Variants in FREM2 observed in about 807,000 individuals in gnomAD.
The protein encoded by FREM2 is FRAS1 related extracellular matrix 2, also known as FRAS1-related extracellular matrix protein 2.
In FREM2, 119 loss-of-function variants were observed where a neutral mutation model predicts 219.9. The ratio of observed to expected loss-of-function variants is 0.54; its 90% CI spans 0.47 to 0.63. The LOEUF is 0.63. Ranked by LOEUF, FREM2 falls within the 30% of genes least tolerant of loss-of-function variation. The pLI, the probability that FREM2 is intolerant of heterozygous loss-of-function variation, is 0.00. For synonymous variants in FREM2, 1,562 were observed against 1,522.8 expected (o/e 1.03, Z -0.60); for missense variants, 4,030 against 3,993.6 (o/e 1.01, Z -0.25).
intron 18 of FREM2, among the ~76,000 whole-genome samples, chr13:38,875,107 C>T (rs1338232999): frequency 6.6e-6 from 1 of 151,960 alleles, no homozygotes; most frequent in African/African-American, 2.4e-5. Flanking sequence ...CTTTGAATAT[C>T]AACAAGGCAG....
At chr13:38,727,958 C>G (rs1036410517) in intron 2 of FREM2, among the ~76,000 whole-genome samples, 2 of 152,214 alleles carry the variant, frequency 1.3e-5, no homozygotes, top group East Asian at 3.9e-4. Flanking sequence ...TTACACTACA[C>G]TAACATTGCC....
Position 38,878,159 on chromosome 13 carries a change from G to C in FREM2, c.8697G>C (p.Met2899Ile). 1.2e-6 allele frequency: 2 copies of C among 1,613,638 alleles called. No individual in the cohort carries two copies. Among genetic ancestry groups the C allele is most frequent in the Non-Finnish European group, 1.7e-6 (2 of 1,179,690 alleles). Residue 2899 changes from methionine (M) to isoleucine (I), a missense_variant, in exon 22 of 24, where the codon ATG becomes ATC. Transcript: ENST00000280481. ...AEGDIIYGRV[M>I]VDPVQNLGDS... ...GTGATATAATTTATGGTCGTGTCAT[G>C]GTGGATCCTGTCCAGAATCTGGGTG...
intron 16 of FREM2, among the ~76,000 whole-genome samples, chr13:38,865,785 T>C (rs190760225): frequency 2.0e-5 from 3 of 152,340 alleles, no homozygotes; most frequent in East Asian, 1.9e-4. Flanking sequence ...CAGTATAAGA[T>C]GGTGGAATCT....
chr13:38,724,992 T>G (rs1189275886), intron 2 of FREM2, among the ~76,000 whole-genome samples: 1 of 152,222 alleles, frequency 6.6e-6, no homozygotes, highest in African/African-American at 2.4e-5. Context: ...AAATATGTCC[T>G]GGAATGGAAT....
intron 11 of FREM2, among the ~76,000 whole-genome samples, chr13:38,853,917 G>A (rs916234988): frequency 6.6e-5 from 10 of 151,722 alleles, no homozygotes; most frequent in African/African-American, 1.7e-4. Flanking sequence ...TTTGCTAAAC[G>A]GAAACAAAAT....
At chr13:38,706,757 C>T (rs952266781) in intron 2 of FREM2, among the ~76,000 whole-genome samples, 1 of 152,136 alleles carries the variant, frequency 6.6e-6, no homozygotes, top group African/African-American at 2.4e-5. Context: ...TTTTATTTCA[C>T]ATCTACAATC....
At chr13:38,758,302 A>C (rs1484633645) in intron 2 of FREM2, among the ~76,000 whole-genome samples, 1 of 152,140 alleles carries the variant, frequency 6.6e-6, no homozygotes, top group African/African-American at 2.4e-5. Flanking sequence ...CTCTCTTCTT[A>C]TACCTAATCT....
At chr13:38,872,487 T>G (rs1288804114) in intron 16 of FREM2, among the ~76,000 whole-genome samples, 2 of 152,218 alleles carry the variant, frequency 1.3e-5, no homozygotes, top group Non-Finnish European at 2.9e-5. Flanking sequence ...GTAAGTATAG[T>G]ATGCTCAAAA....
intron 6 of FREM2, among the ~76,000 whole-genome samples, chr13:38,820,873 C>T (rs1566154355): frequency 6.6e-6 from 1 of 152,158 alleles, no homozygotes; most frequent in Non-Finnish European, 1.5e-5. Flanking sequence ...CTAGAAAATG[C>T]ACTATGCACC....
Position 38,769,616 on chromosome 13 carries a change from G to A in FREM2, c.5449G>A (p.Asp1817Asn). Reference protein sequence around the residue: ...TRDRTAEKDKDFKGKAQKQVQ... With the variant: ...TRDRTAEKDKNFKGKAQKQVQ... The stretch of plus-strand genomic sequence containing the variant: ...AGACAGAACTGCAGAAAAAGACAAA[G>A]ACTTCAAGGGCAAAGCACAGAAACA... Residue 1817 changes from aspartate to asparagine, a missense_variant, in exon 4 of 24, where the codon GAC becomes AAC. This residue lies in a region of FREM2 where 3,102 missense variants were observed against 2,950.7 expected (regional missense o/e 1.05). Transcript: ENST00000280481. 2 of 1,614,150 alleles carry A rather than the reference G, an allele frequency of 1.2e-6. No homozygotes were observed. The highest frequency in any genetic ancestry group is 2.2e-5 in the South Asian group (2 of 91,084).
In FREM2 at chr13:38,691,211, A is replaced by T; in HGVS notation, c.3867A>T (p.Glu1289Asp). ...TAACAGATGGGAAGCACTCTGTGGA[A>T]AAGACGGTCCTCATTATAGTTATCC... ...IKLTDGKHSV[E>D]KTVLIIVIPV... Residue 1289 changes from glutamate (E) to aspartate (D), a missense_variant, in exon 1 of 24, where the codon GAA becomes GAT. Transcript: ENST00000280481. 1 of 1,614,078 alleles carries T rather than the reference A, an allele frequency of 6.2e-7. No homozygotes were observed. The highest frequency in any genetic ancestry group is 8.5e-7 in the Non-Finnish European group (1 of 1,179,982).
At position 38,689,529 on chromosome 13, in the gene FREM2, A is replaced by G. The variant is rs1269177771; in HGVS notation, c.2185A>G (p.Thr729Ala). Residue 729 changes from threonine to alanine, a missense_variant, in exon 1 of 24, where the codon ACT (threonine) becomes GCT (alanine). Thr to Ala is a moderately conservative substitution (Grantham distance 58). Around this residue, in one of 2 missense-constraint regions of FREM2, gnomAD observed 3,102 missense variants for 2,950.7 expected, o/e 1.05. Coordinates refer to ENST00000280481, the MANE Select transcript of FREM2 (RefSeq NM_207361.6). ...ACTGAGGAAGAAGTGGCTGCGCTAC[A>G]CTGACCTGGACACAGATGACCGAGA... ...TPLRKKWLRY[T>A]DLDTDDRELR... 3 of 1,614,036 alleles carry G rather than the reference A, an allele frequency of 1.9e-6. No homozygotes were observed. Among genetic ancestry groups the G allele is most frequent in the Non-Finnish European group, 2.5e-6 (3 of 1,179,978 alleles).
intron 2 of FREM2, among the ~76,000 whole-genome samples, chr13:38,745,409 T>C (rs1872424839): frequency 6.6e-6 from 1 of 152,222 alleles, no homozygotes; most frequent in South Asian, 2.1e-4. Context: ...AGAAAAGCTA[T>C]GGGCATATTC....
chr13:38,723,004 G>A (rs1318544507), intron 2 of FREM2, among the ~76,000 whole-genome samples: 1 of 152,132 alleles, frequency 6.6e-6, no homozygotes, highest in African/African-American at 2.4e-5. Context: ...GCTGAGGCGG[G>A]AGGATCACTT....
chr13:38,762,870 TTTG>T (rs1462922151), intron 2 of FREM2, among the ~76,000 whole-genome samples: 1 of 152,236 alleles, frequency 6.6e-6, no homozygotes, highest in Non-Finnish European at 1.5e-5. Flanking sequence ...ATCAGTACCA[TTTG>T]TTGTTGTGTT....
At chr13:38,856,299 G>T in intron 12 of FREM2, 43 bp downstream of exon 12, 1 of 1,586,532 alleles carries the variant, frequency 6.3e-7, no homozygotes, top group South Asian at 1.1e-5. Flanking sequence ...CTAGCAGTTT[G>T]TCAGAGGAAA....
chr13:38,717,850 A>G (rs1008088317), intron 2 of FREM2, among the ~76,000 whole-genome samples: 1 of 152,258 alleles, frequency 6.6e-6, no homozygotes, highest in Non-Finnish European at 1.5e-5. Flanking sequence ...TCATCTTGAT[A>G]AATATGAGTG....
intron 4 of FREM2, among the ~76,000 whole-genome samples, chr13:38,771,012 G>A (rs907620754): frequency 1.3e-5 from 2 of 152,124 alleles, no homozygotes; most frequent in Non-Finnish European, 2.9e-5. Flanking sequence ...TTGTCAGTCA[G>A]AAAACTCTTA....
chr13:38,841,306 C>G (rs182405727), intron 6 of FREM2, among the ~76,000 whole-genome samples: 1 of 152,226 alleles, frequency 6.6e-6, no homozygotes, highest in African/African-American at 2.4e-5. Flanking sequence ...TTTTTAAAAA[C>G]AGTGCTGGGC....
Sources: allele counts gnomAD v4.1 joint callset (sites outside exome capture counted in the v4.1 genomes callset), GRCh38; gene constraint gnomAD v4.1.1; regional missense constraint gnomAD v4.1.1; transcripts MANE v1.5; gene names NCBI Gene and HGNC (gene_info 2026-07-23, HGNC 2026-07-21).